NTNG2: variants seen among roughly 807,000 people sequenced by gnomAD.
NTNG2 encodes netrin-G2.
A neutral mutation model predicts 47.6 loss-of-function variants in NTNG2; 15 were observed. The ratio of observed to expected loss-of-function variants is 0.32; its 90% CI spans 0.21 to 0.49. The LOEUF (loss-of-function observed/expected upper bound fraction) is 0.49, where lower values mean the gene tolerates loss of function less well. NTNG2 is among the 20% of genes least tolerant of loss of function. The pLI is 0.99. For synonymous variants in NTNG2, 307 were observed against 324.6 expected (o/e 0.95, Z 0.58); for missense variants, 578 against 764.6 (o/e 0.76, Z 2.88).
rs964573059 is a variant in NTNG2, at chr9:132,163,538, C to G, written c.-484+1299C>G. Among the ~76,000 whole-genome samples, 2 of 152,164 alleles carry G rather than the reference C, an allele frequency of 1.3e-5. No individual in the cohort carries two copies. The highest frequency in any genetic ancestry group is 2.9e-5 in the Non-Finnish European group (2 of 67,998). On this transcript the variant is annotated intron_variant, in intron 1 of 7. Transcript: ENST00000393229. This position sits in a 1 kb window ranked among gnomAD's most constrained non-coding sequence, Gnocchi z 7.2. Reference sequence around the variant, plus strand: ...CGCCGGCCAAGCTCCCTTTCCCTCCCGGCAACCGCCACTCTCCCCTGAAAG... The same window carrying G: ...CGCCGGCCAAGCTCCCTTTCCCTCCGGGCAACCGCCACTCTCCCCTGAAAG...
Position 132,222,972 on chromosome 9 carries a change from G to C in NTNG2, c.858-3877G>C, listed in dbSNP as rs111593279. 2.6e-5 allele frequency among the ~76,000 whole-genome samples: 4 copies of C among 152,144 alleles called. 1 individual carries two copies. The highest frequency in any genetic ancestry group is 9.7e-5 in the African/African-American group (4 of 41,430). ...CAAAAAATAAAAATGAAATTAGCCA[G>C]GCATGGTGGCACGCGACTGTGGTCC... On this transcript the variant is annotated intron_variant, in intron 3 of 7. Coordinates refer to ENST00000393229, the MANE Select transcript of NTNG2 (RefSeq NM_032536.4).
At chr9:132,213,003 G>A (rs1839709869) in intron 3 of NTNG2, among the ~76,000 whole-genome samples, 1 of 152,132 alleles carries the variant, frequency 6.6e-6, no homozygotes, top group Non-Finnish European at 1.5e-5. Context: ...GGGCATAGCA[G>A]ATGGGAATTA....
At chr9:132,211,915 T>A (rs1008540710) in intron 3 of NTNG2, among the ~76,000 whole-genome samples, 48 of 152,198 alleles carry the variant, frequency 3.2e-4, no homozygotes, top group African/African-American at 1.0e-3. Flanking sequence ...ATGTGTGGAA[T>A]TCATTCATTC....
In NTNG2 at chr9:132,162,807, ACTT is replaced by A. The variant is rs1224901535; in HGVS notation, c.-484+571_-484+573del. The stretch of plus-strand genomic sequence containing the variant: ...AAACTCCCGGCCAGTCCGGCTGGAA[ACTT>A]CTCCCGGCGCCGGGAGGGGGTCGGG... On this transcript the variant is annotated intron_variant, in intron 1 of 7. Transcript: ENST00000393229. This position sits in a 1 kb window ranked among gnomAD's most constrained non-coding sequence, Gnocchi z 4.6. Among the ~76,000 whole-genome samples, 2 of 151,156 alleles carry A rather than the reference ACTT, an allele frequency of 1.3e-5. No individual in the cohort carries two copies. Among genetic ancestry groups the A allele is most frequent in the African/African-American group, 2.4e-5 (1 of 41,098 alleles).
chr9:132,200,581 G>A (rs570132999), intron 3 of NTNG2, among the ~76,000 whole-genome samples: 75 of 152,376 alleles, frequency 4.9e-4, no homozygotes, highest in Admixed American at 1.3e-4. Flanking sequence ...TGCCTGTGCC[G>A]TGAGGCTGGG....
intron 2 of NTNG2, among the ~76,000 whole-genome samples, chr9:132,193,134 G>T (rs1210966521): frequency 6.6e-6 from 1 of 152,262 alleles, no homozygotes; most frequent in Admixed American, 6.5e-5. Flanking sequence ...AAGTAAGGCA[G>T]GAAGATGAAG....
chr9:132,241,313 G>T, intron 7 of NTNG2: 1 of 519,044 alleles, frequency 1.9e-6, no homozygotes, highest in South Asian at 2.4e-5. Context: ...GGTGAGATGG[G>T]GCCGACCCGG....
chr9:132,240,778 A>C, intron 6 of NTNG2, 132 bp from the exon 7 acceptor site: 5 of 1,388,610 alleles, frequency 3.6e-6, no homozygotes, highest in Non-Finnish European at 4.9e-6. Flanking sequence ...CCGCGGGCTC[A>C]CGTGGACCCA....
At chr9:132,238,847 T>C (rs943193541) in intron 5 of NTNG2, 2 of 563,492 alleles carry the variant, frequency 3.5e-6, no homozygotes, top group Non-Finnish European at 3.2e-6. Context: ...TGGCCCTCCC[T>C]GGTTCCCTGC....
chr9:132,226,659 G>A lies in NTNG2; in HGVS notation c.858-190G>A, dbSNP rs918762569. Among the ~76,000 whole-genome samples the A allele has an allele frequency of 6.6e-6, 1 of 152,236 alleles. No individual in the cohort carries two copies. Among genetic ancestry groups the A allele is most frequent in the African/African-American group, 2.4e-5 (1 of 41,458 alleles). ...GCAGGTGTGGCCTTTGGAACACGGC[G>A]TTGATCTCTCTGCAGGAAGGGGAAT... On this transcript the variant is annotated intron_variant, in intron 3 of 7. Coordinates refer to ENST00000393229, the MANE Select transcript of NTNG2 (RefSeq NM_032536.4). The surrounding 1 kb of genome is among the most constrained non-coding windows in gnomAD (Gnocchi z 4.8).
Position 132,240,936 on chromosome 9 carries a change from G to A in NTNG2, c.1249G>A (p.Val417Met). Reference sequence around the variant, plus strand: ...GTGTAACTGCAACCAGATAGGCTCCGTGCACGACCGGTGCAACGAGACCGG... The same window carrying A: ...GTGTAACTGCAACCAGATAGGCTCCATGCACGACCGGTGCAACGAGACCGG... ...IECNCNQIGS[V>M]HDRCNETGFC... Residue 417 changes from valine to methionine, a missense_variant, in exon 7 of 8, where the codon GTG becomes ATG. Val to Met is a conservative substitution (Grantham distance 21, BLOSUM62 1). Transcript: ENST00000393229. 2 of 1,612,752 alleles carry A rather than the reference G, an allele frequency of 1.2e-6. No individual in the cohort carries two copies. Among genetic ancestry groups the A allele is most frequent in the Middle Eastern group, 1.6e-4 (1 of 6,062 alleles).
At chr9:132,219,227 A>AC (rs1564428645) in intron 3 of NTNG2, among the ~76,000 whole-genome samples, 1 of 151,596 alleles carries the variant, frequency 6.6e-6, no homozygotes, top group Non-Finnish European at 1.5e-5. Flanking sequence ...AAACAAAAAA[A>AC]AAAAAGAAAA....
intron 2 of NTNG2, among the ~76,000 whole-genome samples, chr9:132,178,384 G>A (rs1347746241): frequency 6.6e-6 from 1 of 152,154 alleles, no homozygotes; most frequent in Non-Finnish European, 1.5e-5. Context: ...CCCACAGTCA[G>A]TGCTTGCATG....
intron 5 of NTNG2, among the ~76,000 whole-genome samples, chr9:132,238,459 A>G (rs1841778779): frequency 6.6e-6 from 1 of 152,160 alleles, no homozygotes; most frequent in Non-Finnish European, 1.5e-5. Flanking sequence ...AGGGGGAGGC[A>G]TGCAGGTTCC....
rs961075634 is a variant in NTNG2 at position 132,180,696 on chromosome 9, G to A, written c.213+13652G>A. Among the ~76,000 whole-genome samples the A allele has an allele frequency of 3.9e-5, 6 of 152,232 alleles. No individual in the cohort carries two copies. Among genetic ancestry groups the A allele is most frequent in the Admixed American group, 6.5e-5 (1 of 15,294 alleles). ...TCTGCTTCAGGGAGACGGAGAGAGA[G>A]AGAAAGAGAAAGAACGATAGAGAGA... On this transcript the variant is annotated intron_variant, in intron 2 of 7. Transcript: ENST00000393229. This position sits in a 1 kb window ranked among gnomAD's most constrained non-coding sequence, Gnocchi z 4.2.
At chr9:132,188,297 G>A (rs927727349) in intron 2 of NTNG2, among the ~76,000 whole-genome samples, 10 of 152,216 alleles carry the variant, frequency 6.6e-5, no homozygotes, top group South Asian at 4.1e-4. Context: ...GAAGGGTTCC[G>A]TTGGCAAATC....
At chr9:132,233,891 A>G (rs1027969562) in intron 5 of NTNG2, 1 of 152,188 alleles carries the variant, frequency 6.6e-6, no homozygotes, top group Non-Finnish European at 1.5e-5. Flanking sequence ...AAGCTGTTTC[A>G]GAAGAAAAAA....
In NTNG2 at chr9:132,197,874, G is replaced by A. The variant is rs570657139; in HGVS notation, c.214-92G>A. The A allele has an allele frequency of 8.7e-5, 110 of 1,270,774 alleles. No homozygotes were observed. The African/African-American group carries it at 1.0e-3, about 12-fold the overall frequency. 78.7% of individuals were successfully genotyped at this position (1,270,774 alleles called of 1,614,324 possible). A position where few individuals can be genotyped will look rare whatever the true frequency, so the allele number is the denominator to read the frequency against. ...CCTGTAGCCACAGAGCAGGTTTCTCGGTTCGCAGGCAGGGGCTAGGCCGCG... is the reference window on the plus strand; with the variant it reads ...CCTGTAGCCACAGAGCAGGTTTCTCAGTTCGCAGGCAGGGGCTAGGCCGCG... On this transcript the variant is annotated intron_variant, in intron 2 of 7. Coordinates refer to ENST00000393229, the MANE Select transcript of NTNG2 (RefSeq NM_032536.4). This position sits in a 1 kb window ranked among gnomAD's most constrained non-coding sequence, Gnocchi z 4.3.
At chr9:132,175,253 GC>G (rs1398632540) in intron 2 of NTNG2, among the ~76,000 whole-genome samples, 1 of 152,214 alleles carries the variant, frequency 6.6e-6, no homozygotes, top group Non-Finnish European at 1.5e-5. Context: ...ACTTCTCAGA[GC>G]CCACTGAGTG....
Sources: gnomAD v4.1 joint callset for allele counts (sites outside exome capture counted in the v4.1 genomes callset) on GRCh38, gnomAD v4.1.1 for gene constraint, Gnocchi (gnomAD v3.1) non-coding constraint, MANE v1.5 for transcripts, NCBI Gene and HGNC (gene_info 2026-07-23, HGNC 2026-07-21) for gene names.